Variants in LIN7A observed in about 807,000 individuals in gnomAD.
LIN7A encodes the protein protein lin-7 homolog A.
A neutral mutation model predicts 29.8 loss-of-function variants in LIN7A; 25 were observed. That is an observed-to-expected ratio of 0.84 (90% CI 0.61 to 1.17). The LOEUF (loss-of-function observed/expected upper bound fraction) is 1.17. Among genes scored for constraint, LIN7A ranks in the 50% most tolerant of loss-of-function variants. LIN7A has a pLI of 0.00. For missense variants in LIN7A, 239 were observed against 287.0 expected, an observed-to-expected ratio of 0.83 and a Z score of 1.21; for synonymous variants, 118 against 107.5, an observed-to-expected ratio of 1.10 and a Z score of -0.60.
At chr12:80,898,211 C>T (rs1876012160) in intron 1 of LIN7A, among the ~76,000 whole-genome samples, 1 of 152,146 alleles carries the variant, frequency 6.6e-6, no homozygotes, top group South Asian at 2.1e-4. Flanking sequence ...TATAACAGCA[C>T]CATTTATTGA....
chr12:80,868,001 T>C (rs1325920714), intron 2 of LIN7A, among the ~76,000 whole-genome samples: 1 of 152,176 alleles, frequency 6.6e-6, no homozygotes, highest in Admixed American at 6.5e-5. Context: ...AAAATACTTA[T>C]CCCTGAAATG....
intron 1 of LIN7A, among the ~76,000 whole-genome samples, chr12:80,911,708 A>G (rs1408782806): frequency 1.3e-5 from 2 of 152,244 alleles, no homozygotes; most frequent in Admixed American, 6.5e-5. Context: ...TTTTGAATTT[A>G]TAGTAAATAG....
intron 5 of LIN7A, 147 bp downstream of exon 5, chr12:80,811,318 A>T (rs970800520): frequency 1.5e-5 from 7 of 458,266 alleles, no homozygotes; most frequent in Admixed American, 1.5e-4. Flanking sequence ...TTTTGTTTGG[A>T]TTATTTAAAT....
chr12:80,922,252 T>C (rs1877354213), intron 1 of LIN7A, among the ~76,000 whole-genome samples: 1 of 152,226 alleles, frequency 6.6e-6, no homozygotes, highest in Non-Finnish European at 1.5e-5. Context: ...AAGGCATGTA[T>C]TTTAATGATG....
In LIN7A at chr12:80,848,423, C is replaced by A. The variant is rs937073177; in HGVS notation, c.202-101G>T. The stretch of plus-strand genomic sequence containing the variant: ...ATATTTTCACTGTAGGAAAAAAATT[C>A]TCTATTGCAAAATAACATAGGTCTG... On this transcript the variant is annotated intron_variant, in intron 2 of 5. Transcript: ENST00000552864. 1.5e-5 allele frequency: 13 copies of A among 844,160 alleles called. No individual in the cohort carries two copies. The African/African-American group carries it at 2.0e-4, about 13-fold the overall frequency. The allele number at this position is 844,160 out of a possible 1,614,324, so 52.3% of individuals were successfully genotyped here. A position where few individuals can be genotyped will look rare whatever the true frequency, so the allele number is the denominator to read the frequency against.
intron 4 of LIN7A, among the ~76,000 whole-genome samples, chr12:80,821,629 G>T (rs568360682): frequency 6.6e-6 from 1 of 152,314 alleles, no homozygotes; most frequent in East Asian, 1.9e-4. Flanking sequence ...ACACTGCGAA[G>T]ACACCAGCTA....
At chr12:80,894,973 G>A (rs1052181615) in intron 1 of LIN7A, among the ~76,000 whole-genome samples, 1 of 152,212 alleles carries the variant, frequency 6.6e-6, no homozygotes, top group Non-Finnish European at 1.5e-5. Flanking sequence ...AACCAGCTGT[G>A]TTTGACTCCA....
intron 4 of LIN7A, among the ~76,000 whole-genome samples, chr12:80,812,963 A>G (rs1403667158): frequency 2.0e-5 from 3 of 152,226 alleles, no homozygotes; most frequent in Non-Finnish European, 1.5e-5. Flanking sequence ...AAAGATATTC[A>G]AACTCCCTAG....
At chr12:80,862,105 A>C (rs551915172) in intron 2 of LIN7A, among the ~76,000 whole-genome samples, 27 of 152,354 alleles carry the variant, frequency 1.8e-4, no homozygotes, top group Admixed American at 1.1e-3. Flanking sequence ...CAAAGAACTT[A>C]CCAGATAGTT....
rs546754251 is a variant in LIN7A, at chr12:80,830,283, A to G, written c.483+15447T>C. 7.9e-5 allele frequency among the ~76,000 whole-genome samples: 12 copies of G among 152,336 alleles called. No individual in the cohort carries two copies. In the South Asian group the frequency reaches 1.9e-3, roughly 24 times the overall value. On this transcript the variant is annotated intron_variant, in intron 4 of 5. Coordinates refer to ENST00000552864, the MANE Select transcript of LIN7A (RefSeq NM_004664.4). ...AGGAACTGTGTTATGCCATTTAAAC[A>G]CTAAAATAGAAAAACTAAGTAGCTT...
chr12:80,889,106 T>C (rs1468384354), intron 2 of LIN7A, 145 bp downstream of exon 2: 4 of 643,778 alleles, frequency 6.2e-6, no homozygotes, highest in East Asian at 2.7e-5. Context: ...CTAAATTATA[T>C]TTTATCATCT....
chr12:80,893,160 A>G (rs1018946013), intron 1 of LIN7A, among the ~76,000 whole-genome samples: 3 of 152,066 alleles, frequency 2.0e-5, no homozygotes, highest in Admixed American at 2.0e-4. Flanking sequence ...AAACCCTTGT[A>G]CTCTCTATTA....
chr12:80,860,736 C>A (rs139431533), intron 2 of LIN7A, among the ~76,000 whole-genome samples: 1 of 152,206 alleles, frequency 6.6e-6, no homozygotes, highest in Admixed American at 6.5e-5. Flanking sequence ...GGCGTTCATG[C>A]CTGTTGCAGA....
chr12:80,878,083 A>C (rs746360465), intron 2 of LIN7A, among the ~76,000 whole-genome samples: 4 of 152,202 alleles, frequency 2.6e-5, no homozygotes, highest in Non-Finnish European at 5.9e-5. Flanking sequence ...TGTAATAGCA[A>C]ATAGAAAGGC....
intron 2 of LIN7A, among the ~76,000 whole-genome samples, chr12:80,858,398 C>T (rs7969316): frequency 0.78 from 118,160 of 152,070 alleles, 46,958 homozygotes; most frequent in East Asian, 0.97. Context: ...TAGTTCACAT[C>T]AAATAACTTG....
chr12:80,875,240 C>T (rs1195017412), intron 2 of LIN7A, among the ~76,000 whole-genome samples: 2 of 152,034 alleles, frequency 1.3e-5, no homozygotes, highest in Non-Finnish European at 2.9e-5. Context: ...ATGGATCAGT[C>T]TCAGATTTAC....
intron 4 of LIN7A, chr12:80,841,894 A>G (rs1026280886): frequency 1.2e-5 from 12 of 1,035,042 alleles, no homozygotes; most frequent in Non-Finnish European, 1.4e-5. Flanking sequence ...ACCTCCTATT[A>G]ATGTTAAATT....
intron 4 of LIN7A, among the ~76,000 whole-genome samples, chr12:80,824,236 C>T (rs906438309): frequency 1.1e-4 from 16 of 152,116 alleles, no homozygotes; most frequent in Admixed American, 7.2e-4. Context: ...ACTGTGAACA[C>T]CTTTATACAC....
intron 2 of LIN7A, among the ~76,000 whole-genome samples, chr12:80,866,694 C>G (rs1373527143): frequency 6.6e-6 from 1 of 152,116 alleles, no homozygotes; most frequent in East Asian, 1.9e-4. Flanking sequence ...ATGTGCAGCA[C>G]AGTTTGGGAA....
Sources: allele counts gnomAD v4.1 joint callset (sites outside exome capture counted in the v4.1 genomes callset), GRCh38; gene constraint gnomAD v4.1.1; transcripts MANE v1.5; gene names NCBI Gene and HGNC (gene_info 2026-07-23, HGNC 2026-07-21).